Variants in FANCI observed in about 807,000 individuals in gnomAD.
The protein encoded by FANCI is FA complementation group I.
FANCI carries 156 observed loss-of-function variants against 176.1 expected under a neutral mutation model. The observed-to-expected ratio is 0.89, with a 90% CI of 0.78 to 1.01. FANCI has a LOEUF of 1.01. Among genes scored for constraint, FANCI ranks in the 50% least tolerant of loss-of-function variants. The probability of loss-of-function intolerance (pLI) is 0.00; values close to 1 mark genes in which losing one functional copy is unlikely to be tolerated. For synonymous variants in FANCI, 613 were observed against 541.7 expected (o/e 1.13, Z -1.83); for missense variants, 1,678 against 1,534.1 (o/e 1.09, Z -1.57).
chr15:89,263,561 G>C (rs1425948222), intron 7 of FANCI, 101 bp downstream of exon 7: 14 of 1,023,688 alleles, frequency 1.4e-5, no homozygotes, highest in Non-Finnish European at 2.1e-5. Flanking sequence ...TCTCCTGATT[G>C]TAAGAATATT....
chr15:89,253,540 TAAA>T (rs1280072921), intron 2 of FANCI, among the ~76,000 whole-genome samples: 1,578 of 131,952 alleles, frequency 0.012, 25 homozygotes, highest in African/African-American at 0.061. Context: ...AATAAATAAA[TAAA>T]TAAGTATATG....
chr15:89,255,710 TC>T (rs2052463715), intron 2 of FANCI, among the ~76,000 whole-genome samples: 1 of 152,238 alleles, frequency 6.6e-6, no homozygotes, highest in South Asian at 2.1e-4. Context: ...GTAGTTACAG[TC>T]TGCCAATTAA....
At chr15:89,256,471 G>T (rs1045226562) in intron 2 of FANCI, among the ~76,000 whole-genome samples, 4 of 152,208 alleles carry the variant, frequency 2.6e-5, no homozygotes, top group African/African-American at 9.6e-5. Context: ...TGTACTTGTG[G>T]AAGAGAGAGT....
rs559827805 is a variant in FANCI at position 89,314,800 on chromosome 15, G to C, written c.3816+93G>C. ...AGCACAACTACAATGGAGGAAAAGA[G>C]ACTCTGGGCCATTTGTGTGTTTGCC... On this transcript the variant is annotated intron_variant, in intron 36 of 37. Coordinates refer to ENST00000310775, the MANE Select transcript of FANCI (RefSeq NM_001113378.2). 834 of 784,100 alleles carry C rather than the reference G, an allele frequency of 1.1e-3. 8 individuals carry two copies. Among genetic ancestry groups the C allele is most frequent in the East Asian group, 2.5e-3 (83 of 32,856 alleles). 48.6% of individuals were successfully genotyped at this position (784,100 alleles called of 1,614,324 possible). A position where few individuals can be genotyped will look rare whatever the true frequency, so the allele number is the denominator to read the frequency against.
chr15:89,278,197 A>C (rs906110789), intron 13 of FANCI, among the ~76,000 whole-genome samples: 2 of 152,240 alleles, frequency 1.3e-5, no homozygotes, highest in Non-Finnish European at 2.9e-5. Context: ...AATCAAGTTG[A>C]AGTAAGAATT....
chr15:89,310,244 C>G (rs934344713), intron 34 of FANCI, among the ~76,000 whole-genome samples: 1 of 152,186 alleles, frequency 6.6e-6, no homozygotes, highest in Non-Finnish European at 1.5e-5. Flanking sequence ...AGATAACTTA[C>G]AAATAAACGA....
In FANCI at chr15:89,284,440, C is replaced by G. The variant is rs904605638; in HGVS notation, c.1699-656C>G. On this transcript the variant is annotated intron_variant, in intron 17 of 37. Coordinates refer to ENST00000310775, the MANE Select transcript of FANCI (RefSeq NM_001113378.2). ...TATAGCATAGATTAAATATTAGGAA[C>G]ACTAGATATCATTTGTGTGTTATTA... 2.3e-4 allele frequency among the ~76,000 whole-genome samples: 35 copies of G among 152,106 alleles called. 1 individual carries two copies. The highest frequency in any genetic ancestry group is 2.0e-4 in the Admixed American group (3 of 15,270).
intron 17 of FANCI, among the ~76,000 whole-genome samples, chr15:89,284,233 C>G (rs189880643): frequency 3.7e-4 from 56 of 152,242 alleles, no homozygotes; most frequent in African/African-American, 1.2e-3. Context: ...ACCTTGTAAT[C>G]TGGGAAAACA....
At chr15:89,250,209 A>G (rs564032774) in intron 2 of FANCI, among the ~76,000 whole-genome samples, 1 of 152,322 alleles carries the variant, frequency 6.6e-6, no homozygotes, top group African/African-American at 2.4e-5. Context: ...TACCCAAAGG[A>G]CTGTAAATCA....
chr15:89,316,629 CTGAAAAA>C lies in FANCI; in HGVS notation c.*173_*179del, dbSNP rs774425381. On this transcript the variant is annotated 3_prime_UTR_variant, in exon 38 of 38. Coordinates refer to ENST00000310775, the MANE Select transcript of FANCI (RefSeq NM_001113378.2). ...GGAATCTTCTTGGCAGGTCCTGCTA[CTGAAAAA>C]TGGCTGGCCTTAGGCAAGCCCTTTT... 2.8e-4 allele frequency: 325 copies of C among 1,144,800 alleles called. No individual in the cohort carries two copies. Among genetic ancestry groups the C allele is most frequent in the Non-Finnish European group, 4.1e-4 (313 of 763,038 alleles). The allele number at this position is 1,144,800 out of a possible 1,614,324, so 70.9% of individuals were successfully genotyped here. A position where few individuals can be genotyped will look rare whatever the true frequency, so the allele number is the denominator to read the frequency against.
rs528377656 is a variant in FANCI at position 89,265,462 on chromosome 15, C to T, written c.755+855C>T. 2.6e-5 allele frequency among the ~76,000 whole-genome samples: 4 copies of T among 152,128 alleles called. No homozygotes were observed. The South Asian group carries it at 8.3e-4, about 31-fold the overall frequency. On this transcript the variant is annotated intron_variant, in intron 9 of 37. Coordinates refer to ENST00000310775, the MANE Select transcript of FANCI (RefSeq NM_001113378.2). Reference sequence around the variant, plus strand: ...CCTGAAGTGATTCACCCTCCTCGGTCTCTCAAAGTGCTGGGATTACAGACA... The same window carrying T: ...CCTGAAGTGATTCACCCTCCTCGGTTTCTCAAAGTGCTGGGATTACAGACA...
Position 89,301,433 on chromosome 15 carries a change from C to G in FANCI, c.2997C>G (p.Ser999=). 1 of 1,610,450 alleles carries G rather than the reference C, an allele frequency of 6.2e-7. No homozygotes were observed. Among genetic ancestry groups the G allele is most frequent in the Non-Finnish European group, 8.5e-7 (1 of 1,176,622 alleles). Residue 999 remains serine (S), a synonymous_variant, in exon 27 of 38, where the codon TCC becomes TCG. Transcript: ENST00000310775. ...GTTTGTCCAAGTTACTGGAGCCCTCCTCTCCTCAGGTACTAGTACCGCTAA... is the reference window on the plus strand; with the variant it reads ...GTTTGTCCAAGTTACTGGAGCCCTCGTCTCCTCAGGTACTAGTACCGCTAA... The part of the protein sequence containing the change: ...LTSLSKLLEP[S]SPQFVQMLSW...
chr15:89,308,184 C>T (rs1308110047), intron 34 of FANCI: 1 of 1,034,750 alleles, frequency 9.7e-7, no homozygotes, highest in Non-Finnish European at 1.2e-6. Flanking sequence ...AACCTCACCA[C>T]TATTGACATG....
chr15:89,248,986 G>A (rs2052111447), intron 2 of FANCI, among the ~76,000 whole-genome samples: 1 of 152,084 alleles, frequency 6.6e-6, no homozygotes, highest in Non-Finnish European at 1.5e-5. Context: ...ATCAGCTTAG[G>A]CAACATAGTG....
rs1443770274 is a variant in FANCI at position 89,316,420 on chromosome 15, A to G, written c.3948A>G (p.Gly1316=). 5 of 1,611,738 alleles carry G rather than the reference A, an allele frequency of 3.1e-6. No individual in the cohort carries two copies. Among genetic ancestry groups the G allele is most frequent in the Non-Finnish European group, 4.2e-6 (5 of 1,178,664 alleles). ...NEEGTASEHG[G]QNKEPAKKKR... ...AGGGCACTGCATCAGAGCATGGGGG[A>G]CAGAACAAAGAACCAGCCAAGAAGA... is the stretch of plus-strand genomic sequence containing the variant. The change falls in exon 38 of 38, where the codon GGA becomes GGG. Residue 1316 remains glycine, a synonymous_variant. Coordinates refer to ENST00000310775, the MANE Select transcript of FANCI (RefSeq NM_001113378.2).
chr15:89,291,606 TAC>T lies in FANCI; in HGVS notation c.1891-3_1891-2del. 6.2e-7 allele frequency: 1 copy of T among 1,610,984 alleles called. No homozygotes were observed. The highest frequency in any genetic ancestry group is 8.5e-7 in the Non-Finnish European group (1 of 1,177,332). On this transcript the variant is annotated splice_region_variant and splice_polypyrimidine_tract_variant and intron_variant, in intron 19 of 37. Transcript: ENST00000310775. Reference sequence around the variant, plus strand: ...CCAAGATGTCTTTTTTTTCTTACTATACACAGTTAAAACAGTTCTATGAGCCA... The same window carrying T: ...CCAAGATGTCTTTTTTTTCTTACTATACAGTTAAAACAGTTCTATGAGCCA...
rs577201427 is a variant in FANCI at position 89,281,855 on chromosome 15, A to G, written c.1583+20A>G. 4 of 1,609,956 alleles carry G rather than the reference A, an allele frequency of 2.5e-6. No homozygotes were observed. The highest frequency in any genetic ancestry group is 1.1e-5 in the South Asian group (1 of 90,996). On this transcript the variant is annotated intron_variant, in intron 16 of 37. Transcript: ENST00000310775. Reference sequence around the variant, plus strand: ...TGCCAAGTATGTAGCATCTTTTTCTATCATAGGAAGACGTTGTCTTCTAAT... The same window carrying G: ...TGCCAAGTATGTAGCATCTTTTTCTGTCATAGGAAGACGTTGTCTTCTAAT...
Position 89,316,487 on chromosome 15 carries a change from T to TG in FANCI, c.*32dup. ...GAAATGCCTGAGTTAATGTGAACTT[T>TG]GGGGCTTCTGCTTCATTTTTACCCA... On this transcript the variant is annotated 3_prime_UTR_variant, in exon 38 of 38. Coordinates refer to ENST00000310775, the MANE Select transcript of FANCI (RefSeq NM_001113378.2). 1 of 1,591,934 alleles carries TG rather than the reference T, an allele frequency of 6.3e-7. No individual in the cohort carries two copies. Among genetic ancestry groups the TG allele is most frequent in the Admixed American group, 1.7e-5 (1 of 57,344 alleles).
intron 17 of FANCI, among the ~76,000 whole-genome samples, chr15:89,283,585 G>A (rs187613699): frequency 2.4e-4 from 37 of 152,240 alleles, no homozygotes; most frequent in African/African-American, 8.2e-4. Context: ...ATAAAAGAAT[G>A]TAAAAATCTA....
Sources: allele counts gnomAD v4.1 joint callset (sites outside exome capture counted in the v4.1 genomes callset), GRCh38; gene constraint gnomAD v4.1.1; transcripts MANE v1.5; gene names NCBI Gene and HGNC (gene_info 2026-07-23, HGNC 2026-07-21).